The following SPATA31H1 variants were observed in gnomAD, a reference collection of about 807,000 sequenced individuals.
SPATA31H1 encodes SPATA31 subfamily H member 1.
the SPATA31H1 span, among the ~76,000 whole-genome samples, chr2:27,539,105 T>C: frequency 9.0e-4 from 60 of 66,590 alleles, no homozygotes; most frequent in East Asian, 2.4e-3. Flanking sequence ...CATTTTCTTT[T>C]TTTTTTTTTT....
At chr2:27,541,409 AGAGAGAG>A in the SPATA31H1 span, among the ~76,000 whole-genome samples, 3 of 114,144 alleles carry the variant, frequency 2.6e-5, no homozygotes, top group African/African-American at 9.8e-5. Flanking sequence ...GAAGGGGGAG[AGAGAGAG>A]GGGAGAGGGG....
At chr2:27,578,104 A>C in the SPATA31H1 span, 2 of 1,614,152 alleles carry the variant, frequency 1.2e-6, no homozygotes, top group Non-Finnish European at 1.7e-6. Context: ...AAAGTTGTTC[A>C]ATCTGTGAAA....
At chr2:27,576,558 C>T in the SPATA31H1 span, 1 of 1,535,674 alleles carries the variant, frequency 6.5e-7, no homozygotes, top group African/African-American at 1.4e-5. Context: ...GCCATGCTTT[C>T]AAGATGTAAA....
chr2:27,543,263 C>T, the SPATA31H1 span, among the ~76,000 whole-genome samples: 1 of 151,734 alleles, frequency 6.6e-6, no homozygotes, highest in Non-Finnish European at 1.5e-5. Context: ...TGTCAACCTC[C>T]TTAGGAACTT....
the SPATA31H1 span, chr2:27,581,891 A>C: frequency 9.0e-5 from 141 of 1,562,488 alleles, no homozygotes; most frequent in African/African-American, 3.3e-4. Flanking sequence ...CTGAGAGAAG[A>C]CATCGCAGTC....
the SPATA31H1 span, chr2:27,581,806 C>T: frequency 1.2e-6 from 2 of 1,611,134 alleles, no homozygotes; most frequent in South Asian, 2.2e-5. Context: ...CATCACAGTC[C>T]CTCTGAGAGA....
chr2:27,578,821 TAGG>T, the SPATA31H1 span: 6 of 1,614,110 alleles, frequency 3.7e-6, no homozygotes, highest in African/African-American at 1.3e-5. Flanking sequence ...GCATCTGAAT[TAGG>T]AGGACTTTGG....
chr2:27,538,957 A>C, the SPATA31H1 span, among the ~76,000 whole-genome samples: 2 of 152,192 alleles, frequency 1.3e-5, no homozygotes, highest in African/African-American at 4.8e-5. Context: ...AATATCTGCT[A>C]TCAGGGATGT....
At chr2:27,566,931 G>C in the SPATA31H1 span, 1 of 717,474 alleles carries the variant, frequency 1.4e-6, no homozygotes, top group Non-Finnish European at 2.6e-6. Flanking sequence ...CTTTTCTGAA[G>C]GAACAACTTG....
chr2:27,550,411 ATTTTT>A, the SPATA31H1 span, among the ~76,000 whole-genome samples: 5 of 94,540 alleles, frequency 5.3e-5, no homozygotes, highest in African/African-American at 1.8e-4. Flanking sequence ...TGGGTGTTAA[ATTTTT>A]TTTTTTTTTT....
the SPATA31H1 span, among the ~76,000 whole-genome samples, chr2:27,547,977 T>A: frequency 1.5e-5 from 2 of 132,284 alleles, no homozygotes; most frequent in Non-Finnish European, 3.2e-5. Context: ...TAATAGTAAT[T>A]TCTTTTTTTT....
chr2:27,579,202 G>A, the SPATA31H1 span: 8 of 1,614,184 alleles, frequency 5.0e-6, no homozygotes, highest in Admixed American at 1.3e-4. Context: ...GTCTGGGAGA[G>A]TCATGCCTGG....
At chr2:27,563,332 C>A in the SPATA31H1 span, among the ~76,000 whole-genome samples, 1 of 138,948 alleles carries the variant, frequency 7.2e-6, no homozygotes, top group African/African-American at 2.6e-5. Context: ...TCAGAGTTTT[C>A]ATATTCATTA....
the SPATA31H1 span, among the ~76,000 whole-genome samples, chr2:27,542,511 G>C: frequency 1.3e-5 from 2 of 151,994 alleles, no homozygotes; most frequent in Non-Finnish European, 2.9e-5. Flanking sequence ...TAGAATATTT[G>C]ATATATTTGA....
the SPATA31H1 span, chr2:27,578,283 A>C: frequency 3.7e-6 from 6 of 1,614,070 alleles, no homozygotes; most frequent in Admixed American, 5.0e-5. Flanking sequence ...ATTAATCACA[A>C]AGCCAAAACA....
the SPATA31H1 span, chr2:27,575,585 A>G: frequency 2.0e-5 from 8 of 398,392 alleles, no homozygotes; most frequent in Non-Finnish European, 3.5e-5. This position sits in a 1 kb window ranked among gnomAD's most constrained non-coding sequence, Gnocchi z 4.1. Flanking sequence ...TTCAAGGTAT[A>G]AAATCTAAGG....
At chr2:27,542,504 A>G in the SPATA31H1 span, among the ~76,000 whole-genome samples, 1 of 152,054 alleles carries the variant, frequency 6.6e-6, no homozygotes, top group African/African-American at 2.4e-5. Context: ...ACAGATATAG[A>G]ATATTTGATA....
At chr2:27,579,667 C>G in the SPATA31H1 span, 44 of 1,614,100 alleles carry the variant, frequency 2.7e-5, no homozygotes, top group Non-Finnish European at 3.7e-5. Context: ...AAGTCAGAGT[C>G]TTCCCTCAGC....
chr2:27,564,792 G>A, the SPATA31H1 span, among the ~76,000 whole-genome samples: 1 of 151,370 alleles, frequency 6.6e-6, no homozygotes, highest in Admixed American at 6.6e-5. Context: ...GACAGAGTGA[G>A]ACTCCATCTC....
Sources: gnomAD v4.1 joint callset for allele counts (sites outside exome capture counted in the v4.1 genomes callset) on GRCh38, gnomAD v4.1.1 for gene constraint, Gnocchi (gnomAD v3.1) non-coding constraint, MANE v1.5 for transcripts, NCBI Gene and HGNC (gene_info 2026-07-23, HGNC 2026-07-21) for gene names.